Variants in PADI1 observed in about 807,000 individuals in gnomAD.
PADI1 encodes protein-arginine deiminase type-1.
PADI1 carries 65 observed loss-of-function variants against 74.8 expected under a neutral mutation model. That is an observed-to-expected ratio of 0.87 (90% CI 0.71 to 1.07). The LOEUF (loss-of-function observed/expected upper bound fraction) is 1.07, where lower values mean the gene tolerates loss of function less well. PADI1 is among the 50% of genes least tolerant of loss of function. PADI1 has a pLI of 0.00. For missense variants in PADI1, 943 were observed against 854.0 expected, an observed-to-expected ratio of 1.10 and a Z score of -1.30; for synonymous variants, 371 against 336.2, an observed-to-expected ratio of 1.10 and a Z score of -1.13.
chr1:17,233,940 T>C (rs1213436753), intron 11 of PADI1, among the ~76,000 whole-genome samples: 2 of 152,202 alleles, frequency 1.3e-5, no homozygotes, highest in Non-Finnish European at 2.9e-5. Context: ...GCGAGAGGCA[T>C]GTGCTCACCC....
chr1:17,223,567 C>T (rs554519383), intron 2 of PADI1, 54 bp from the exon 3 acceptor site: 5 of 1,430,834 alleles, frequency 3.5e-6, no homozygotes, highest in Non-Finnish European at 4.9e-6. Context: ...ATCACCTCTG[C>T]CTCCGCCATC....
Position 17,240,772 on chromosome 1 carries a change from T to C in PADI1, c.1758+12T>C. The C allele has an allele frequency of 6.2e-7, 1 of 1,612,714 alleles. No homozygotes were observed. The highest frequency in any genetic ancestry group is 8.5e-7 in the Non-Finnish European group (1 of 1,179,122). On this transcript the variant is annotated intron_variant, in intron 15 of 15. Coordinates refer to ENST00000375471, the MANE Select transcript of PADI1 (RefSeq NM_013358.3). Reference sequence around the variant, plus strand: ...TCTTCCCAGACATGGTGAGAGCCCTTGTGCAGGGTCCTGCTGGGGGGTCTG... The same window carrying C: ...TCTTCCCAGACATGGTGAGAGCCCTCGTGCAGGGTCCTGCTGGGGGGTCTG...
At chr1:17,224,311 G>T in intron 3 of PADI1, 56 bp from the exon 4 acceptor site, 1 of 1,489,226 alleles carries the variant, frequency 6.7e-7, no homozygotes, top group African/African-American at 1.4e-5. Flanking sequence ...TGGACTTTAG[G>T]GGTGTGAAGA....
chr1:17,223,094 C>T (rs987554509), intron 2 of PADI1, among the ~76,000 whole-genome samples: 14 of 152,278 alleles, frequency 9.2e-5, no homozygotes, highest in South Asian at 6.2e-4. Flanking sequence ...GACTGCTGGA[C>T]TGCAGGCAGG....
Position 17,238,591 on chromosome 1 carries a change from G to A in PADI1, c.1459-25G>A, listed in dbSNP as rs764006268. 13 of 1,384,852 alleles carry A rather than the reference G, an allele frequency of 9.4e-6. No homozygotes were observed. In the East Asian group the frequency reaches 3.3e-4, roughly 35 times the overall value. 85.8% of individuals were successfully genotyped at this position (1,384,852 alleles called of 1,614,324 possible). Reference sequence around the variant, plus strand: ...TGTCTAAGGGGACCCTGTCCACTGAGCCATTCTCCCTCCCTCCGTGCCAGG... The same window carrying A: ...TGTCTAAGGGGACCCTGTCCACTGAACCATTCTCCCTCCCTCCGTGCCAGG... On this transcript the variant is annotated intron_variant, in intron 12 of 15. Coordinates refer to ENST00000375471, the MANE Select transcript of PADI1 (RefSeq NM_013358.3).
intron 8 of PADI1, among the ~76,000 whole-genome samples, chr1:17,229,821 C>T (rs148053149): frequency 9.2e-5 from 14 of 152,340 alleles, no homozygotes; most frequent in South Asian, 2.1e-4. Flanking sequence ...ACCTCTGTGG[C>T]GACTTCCCTG....
chr1:17,209,926 C>G (rs1026869644), intron 1 of PADI1, among the ~76,000 whole-genome samples: 6 of 152,114 alleles, frequency 3.9e-5, no homozygotes, highest in African/African-American at 1.2e-4. Flanking sequence ...TCTCGGCTCA[C>G]TACAACCTCC....
intron 1 of PADI1, among the ~76,000 whole-genome samples, chr1:17,216,231 G>A (rs947855653): frequency 6.6e-6 from 1 of 152,206 alleles, no homozygotes; most frequent in Non-Finnish European, 1.5e-5. Flanking sequence ...ATTTTAAAAG[G>A]TCCCTCTGGC....
At chr1:17,216,637 G>A (rs781495613) in intron 1 of PADI1, among the ~76,000 whole-genome samples, 13 of 152,176 alleles carry the variant, frequency 8.5e-5, no homozygotes, top group South Asian at 2.1e-4. Flanking sequence ...GTGGGAGGCC[G>A]AGGTTGGCAG....
At chr1:17,236,453 T>C (rs968255499) in intron 11 of PADI1, among the ~76,000 whole-genome samples, 6 of 152,252 alleles carry the variant, frequency 3.9e-5, no homozygotes, top group Admixed American at 6.5e-5. Flanking sequence ...AACAAAGCCT[T>C]GAAGGAAAAG....
chr1:17,209,391 T>G (rs2071777225), intron 1 of PADI1, among the ~76,000 whole-genome samples: 2 of 152,138 alleles, frequency 1.3e-5, no homozygotes, highest in South Asian at 4.1e-4. Flanking sequence ...CTCCGCAAGT[T>G]CCACAGGGCC....
intron 10 of PADI1, 75 bp downstream of exon 10, chr1:17,230,754 A>C (rs2072469159): frequency 2.5e-6 from 2 of 812,808 alleles, no homozygotes; most frequent in Admixed American, 4.2e-5. Context: ...TCTCATCTGG[A>C]CCTAGTCCTA....
Position 17,244,594 on chromosome 1 carries a change from G to A in PADI1, c.*351G>A, listed in dbSNP as rs2072846966. On this transcript the variant is annotated 3_prime_UTR_variant, in exon 16 of 16. Transcript: ENST00000375471. ...CCCCTTCATTCTGATGCCTCCCTGG[G>A]GAACAAGGATAATGACTTTGCATCT... 1 of 402,272 alleles carries A rather than the reference G, an allele frequency of 2.5e-6. No homozygotes were observed. Among genetic ancestry groups the A allele is most frequent in the African/African-American group, 2.1e-5 (1 of 48,758 alleles). The allele number at this position is 402,272 out of a possible 1,614,324, so 24.9% of individuals were successfully genotyped here.
chr1:17,240,886 G>A (rs1184504414), intron 15 of PADI1, 126 bp downstream of exon 15: 2 of 1,106,588 alleles, frequency 1.8e-6, no homozygotes, highest in Non-Finnish European at 2.6e-6. Flanking sequence ...GTCTGTTTTT[G>A]TGAATATAGA....
intron 1 of PADI1, among the ~76,000 whole-genome samples, chr1:17,213,761 T>C (rs2071896933): frequency 6.6e-6 from 1 of 152,228 alleles, no homozygotes; most frequent in Non-Finnish European, 1.5e-5. Flanking sequence ...TGCTGCCTTA[T>C]GCCATAACCA....
chr1:17,207,646 A>G (rs1230448337), intron 1 of PADI1, among the ~76,000 whole-genome samples: 1 of 152,214 alleles, frequency 6.6e-6, no homozygotes, highest in Non-Finnish European at 1.5e-5. Flanking sequence ...GGGTGTCTGT[A>G]AAGCTCCTTA....
At chr1:17,216,061 G>A (rs184932178) in intron 1 of PADI1, among the ~76,000 whole-genome samples, 3 of 152,152 alleles carry the variant, frequency 2.0e-5, no homozygotes, top group Admixed American at 2.0e-4. Flanking sequence ...TTGGTGACAG[G>A]AACATTCCGG....
At chr1:17,225,731 G>T in intron 4 of PADI1, 80 bp from the exon 5 acceptor site, 2 of 894,542 alleles carry the variant, frequency 2.2e-6, no homozygotes, top group Non-Finnish European at 1.8e-6. Flanking sequence ...TAATAAAGCA[G>T]CCCGCCCTGG....
chr1:17,243,926 C>A, intron 15 of PADI1, 84 bp from the exon 16 acceptor site: 2 of 933,054 alleles, frequency 2.1e-6, no homozygotes, highest in Admixed American at 2.2e-5. Flanking sequence ...TCCCCAGGGC[C>A]TGTCTCATTC....
Sources: gnomAD v4.1 joint callset for allele counts (sites outside exome capture counted in the v4.1 genomes callset) on GRCh38, gnomAD v4.1.1 for gene constraint, MANE v1.5 for transcripts, NCBI Gene and HGNC (gene_info 2026-07-23, HGNC 2026-07-21) for gene names.